CCDC149: variants seen among roughly 807,000 people sequenced by gnomAD.
CCDC149 encodes coiled-coil domain-containing protein 149.
CCDC149 carries 45 observed loss-of-function variants against 59.9 expected under a neutral mutation model. That is an observed-to-expected ratio of 0.75 (90% CI 0.59 to 0.96). CCDC149 has a LOEUF of 0.96. Ranked by LOEUF, CCDC149 falls within the 40% of genes least tolerant of loss-of-function variation. The pLI is 0.00. For missense variants in CCDC149, 584 were observed against 664.7 expected, an observed-to-expected ratio of 0.88 and a Z score of 1.33; for synonymous variants, 245 against 260.6, an observed-to-expected ratio of 0.94 and a Z score of 0.58.
intron 1 of CCDC149, among the ~76,000 whole-genome samples, chr4:24,960,337 G>T (rs1412445511): frequency 1.3e-5 from 2 of 151,888 alleles, no homozygotes; most frequent in Admixed American, 1.3e-4. Flanking sequence ...AAGTTCTATT[G>T]GGTTATAGAA....
In CCDC149 at chr4:24,806,768, T is replaced by C. The variant is rs912256200; in HGVS notation, c.*1621A>G. ...ACCTGGTGGCCAGGGGTCAATGGGATGTCCTTCTCACCAGAAGCAACAGAA... is the reference window on the plus strand; with the variant it reads ...ACCTGGTGGCCAGGGGTCAATGGGACGTCCTTCTCACCAGAAGCAACAGAA... On this transcript the variant is annotated 3_prime_UTR_variant, in exon 13 of 13. Coordinates refer to ENST00000635206, the MANE Select transcript of CCDC149 (RefSeq NM_001330643.2). 14 of 153,372 alleles carry C rather than the reference T, an allele frequency of 9.1e-5. No individual in the cohort carries two copies. Among genetic ancestry groups the C allele is most frequent in the African/African-American group, 3.1e-4 (13 of 41,444 alleles). The allele number at this position is 153,372 out of a possible 1,614,324, so 9.5% of individuals were successfully genotyped here.
chr4:24,980,037 G>A (rs1284350044), intron 1 of CCDC149: 1 of 152,164 alleles, frequency 6.6e-6, no homozygotes, highest in African/African-American at 2.4e-5. Flanking sequence ...TAAATAACGA[G>A]GCAGTTAAAC....
intron 12 of CCDC149, 119 bp downstream of exon 12, chr4:24,819,740 G>A: frequency 1.3e-6 from 1 of 773,800 alleles, no homozygotes; most frequent in Admixed American, 2.0e-5. Context: ...TCTGAGGAAT[G>A]TCCCAATGAT....
At chr4:24,820,803 T>C (rs377188261) in intron 11 of CCDC149, among the ~76,000 whole-genome samples, 2 of 152,270 alleles carry the variant, frequency 1.3e-5, no homozygotes, top group South Asian at 2.1e-4. Flanking sequence ...CCTCCCACTT[T>C]GTATCTATGT....
intron 1 of CCDC149, among the ~76,000 whole-genome samples, chr4:24,955,570 GA>G (rs1448524500): frequency 6.6e-6 from 1 of 152,090 alleles, no homozygotes; most frequent in Admixed American, 6.5e-5. Flanking sequence ...CTACAACATG[GA>G]TGAACCTTGA....
rs1197588707 is a variant in CCDC149 at position 24,806,252 on chromosome 4, C to T, written c.*2137G>A. 6.6e-6 allele frequency: 1 copy of T among 152,260 alleles called. No homozygotes were observed. Among genetic ancestry groups the T allele is most frequent in the East Asian group, 1.9e-4 (1 of 5,194 alleles). The allele number at this position is 152,260 out of a possible 1,614,324, so 9.4% of individuals were successfully genotyped here. ...ATCTGTGACAGGATCAACTAACTTA[C>T]TGGCTCTCATTTCACCTGATAACAT... is the stretch of plus-strand genomic sequence containing the variant. On this transcript the variant is annotated 3_prime_UTR_variant, in exon 13 of 13. Transcript: ENST00000635206.
chr4:24,879,981 A>T (rs1440565976), intron 1 of CCDC149, among the ~76,000 whole-genome samples: 1 of 152,224 alleles, frequency 6.6e-6, no homozygotes, highest in African/African-American at 2.4e-5. Flanking sequence ...GAAGCAAGGA[A>T]CAGTCTCAGA....
chr4:24,882,115 T>C (rs911712642), intron 1 of CCDC149, among the ~76,000 whole-genome samples: 1 of 152,170 alleles, frequency 6.6e-6, no homozygotes, highest in Non-Finnish European at 1.5e-5. Context: ...CAAATAGTAA[T>C]AAAGGTTTTA....
chr4:24,936,693 C>A (rs561391209), intron 1 of CCDC149, among the ~76,000 whole-genome samples: 1 of 151,842 alleles, frequency 6.6e-6, no homozygotes, highest in East Asian at 2.0e-4. Flanking sequence ...ATTGATCAAC[C>A]TCCACAGTCC....
At chr4:24,812,446 T>C (rs1276762162) in intron 12 of CCDC149, among the ~76,000 whole-genome samples, 1 of 152,236 alleles carries the variant, frequency 6.6e-6, no homozygotes, top group Non-Finnish European at 1.5e-5. Context: ...TTGTAGAAGA[T>C]ACAGACCCAC....
chr4:24,954,528 G>A (rs1184663225), intron 1 of CCDC149, among the ~76,000 whole-genome samples: 1 of 152,248 alleles, frequency 6.6e-6, no homozygotes, highest in Non-Finnish European at 1.5e-5. Context: ...TTAGCACCAT[G>A]TGGATGCCAC....
chr4:24,856,771 G>A (rs1718038172), intron 3 of CCDC149, among the ~76,000 whole-genome samples: 3 of 152,174 alleles, frequency 2.0e-5, no homozygotes, highest in African/African-American at 2.4e-5. Context: ...ACATGTGGGC[G>A]GCCTCTGCCT....
chr4:24,839,618 T>A (rs1236446007), intron 4 of CCDC149, among the ~76,000 whole-genome samples: 1 of 152,212 alleles, frequency 6.6e-6, no homozygotes, highest in Non-Finnish European at 1.5e-5. Flanking sequence ...AACCCATAGC[T>A]TTCCTGGACT....
chr4:24,838,025 G>T, intron 5 of CCDC149, 131 bp downstream of exon 5: 1 of 772,258 alleles, frequency 1.3e-6, no homozygotes, highest in South Asian at 1.5e-5. Flanking sequence ...CAGTGCTGAG[G>T]AAGTAAAAGC....
chr4:24,855,056 C>T (rs138919821), intron 3 of CCDC149, among the ~76,000 whole-genome samples: 8 of 152,270 alleles, frequency 5.3e-5, no homozygotes, highest in Non-Finnish European at 1.0e-4. Flanking sequence ...TCCTTGTCTC[C>T]CTCTCCTTAC....
intron 4 of CCDC149, 94 bp from the exon 5 acceptor site, chr4:24,838,366 G>T: frequency 1.2e-6 from 1 of 860,540 alleles, no homozygotes; most frequent in South Asian, 1.4e-5. Context: ...TGGAAGATAA[G>T]ATACTTTCAA....
At chr4:24,926,060 A>G (rs1830216) in intron 1 of CCDC149, among the ~76,000 whole-genome samples, 136,992 of 152,180 alleles carry the variant, frequency 0.9, 62,288 homozygotes, top group Non-Finnish European at 0.97. Flanking sequence ...GCCAGGCATT[A>G]TGGTGTGCGC....
At chr4:24,814,371 T>C (rs1481955816) in intron 12 of CCDC149, among the ~76,000 whole-genome samples, 1 of 152,166 alleles carries the variant, frequency 6.6e-6, no homozygotes. Flanking sequence ...GCCTTGATTT[T>C]GAAAAAAACA....
intron 4 of CCDC149, among the ~76,000 whole-genome samples, chr4:24,843,506 A>G (rs1253686006): frequency 6.6e-6 from 1 of 152,212 alleles, no homozygotes; most frequent in Non-Finnish European, 1.5e-5. Flanking sequence ...AAAACTGGAC[A>G]TGAGAGATTA....
Sources: gnomAD v4.1 joint callset for allele counts (sites outside exome capture counted in the v4.1 genomes callset) on GRCh38, gnomAD v4.1.1 for gene constraint, MANE v1.5 for transcripts, NCBI Gene and HGNC (gene_info 2026-07-23, HGNC 2026-07-21) for gene names.